Variants in POF1B observed in about 807,000 individuals in gnomAD.
POF1B encodes the protein POF1B actin binding protein.
POF1B carries 53 observed loss-of-function variants against 55.3 expected under a neutral mutation model. The ratio of observed to expected loss-of-function variants is 0.96; its 90% CI spans 0.77 to 1.20. The LOEUF is 1.20. POF1B is among the 50% of genes most tolerant of loss of function. The probability of loss-of-function intolerance (pLI) is 0.00; values close to 1 mark genes in which losing one functional copy is unlikely to be tolerated. For missense variants in POF1B, 478 were observed against 420.5 expected, an observed-to-expected ratio of 1.14 and a Z score of -1.20; for synonymous variants, 188 against 148.3, an observed-to-expected ratio of 1.27 and a Z score of -1.95.
At chrX:85,330,737 C>T (rs1005408837) in intron 7 of POF1B, among the ~76,000 whole-genome samples, 8 of 111,201 alleles carry the variant, frequency 7.2e-5, no homozygotes, top group Non-Finnish European at 3.8e-5. Context: ...TTAATGGGTG[C>T]AGCACACCAA....
chrX:85,354,631 A>G (rs1039899574), intron 4 of POF1B, among the ~76,000 whole-genome samples: 4 of 110,992 alleles, frequency 3.6e-5, no homozygotes, highest in Non-Finnish European at 7.6e-5. Context: ...AAATCAATGT[A>G]CAAAAATCAC....
intron 2 of POF1B, among the ~76,000 whole-genome samples, chrX:85,369,422 T>C (rs1257332158): frequency 9.0e-6 from 1 of 111,210 alleles, no homozygotes; most frequent in Non-Finnish European, 1.9e-5. Context: ...TAGATAAGGT[T>C]AAAGACCTTC....
chrX:85,335,677 T>A (rs1933058135), intron 6 of POF1B, among the ~76,000 whole-genome samples: 1 of 110,822 alleles, frequency 9.0e-6, no homozygotes, highest in Non-Finnish European at 1.9e-5. Context: ...CATATTAGAT[T>A]ATCTTTTATA....
At chrX:85,326,854 C>A (rs1237710976) in intron 7 of POF1B, among the ~76,000 whole-genome samples, 2 of 109,839 alleles carry the variant, frequency 1.8e-5, no homozygotes, top group Admixed American at 1.9e-4. Context: ...ATAATGAGGG[C>A]TCCCAGGAGG....
intron 6 of POF1B, among the ~76,000 whole-genome samples, chrX:85,345,596 A>G (rs1933253576): frequency 9.0e-6 from 1 of 111,237 alleles, no homozygotes; most frequent in Non-Finnish European, 1.9e-5. Context: ...CCCATTTTAG[A>G]ACTGAAGATC....
chrX:85,306,127 A>G, intron 12 of POF1B, 54 bp downstream of exon 12: 1 of 1,079,000 alleles, frequency 9.3e-7, no homozygotes, highest in Non-Finnish European at 1.3e-6. Context: ...AAATGCTAGG[A>G]TTACAATGAT....
At chrX:85,348,754 A>G (rs1280050812) in intron 5 of POF1B, among the ~76,000 whole-genome samples, 1 of 111,747 alleles carries the variant, frequency 8.9e-6, no homozygotes, top group Non-Finnish European at 1.9e-5. Context: ...AGTAAATAGC[A>G]GCAGTATTCT....
At position 85,367,960 on chromosome X, in the gene POF1B, G is replaced by A. The variant is rs185615340; in HGVS notation, c.283-194C>T. On this transcript the variant is annotated intron_variant, in intron 2 of 16. Coordinates refer to ENST00000262753, the MANE Select transcript of POF1B (RefSeq NM_024921.4). ...TCTCACATAACCCAATGATAAAAGAGTTTCTAGAGTGCTTTCATAGCAATA... is the reference window on the plus strand; with the variant it reads ...TCTCACATAACCCAATGATAAAAGAATTTCTAGAGTGCTTTCATAGCAATA... 3.6e-5 allele frequency among the ~76,000 whole-genome samples: 4 copies of A among 111,702 alleles called. No homozygotes were observed. The Admixed American group carries it at 3.8e-4, about 11-fold the overall frequency.
chrX:85,352,484 C>T (rs1933409390), intron 4 of POF1B, among the ~76,000 whole-genome samples: 1 of 111,315 alleles, frequency 9.0e-6, no homozygotes, highest in Admixed American at 9.6e-5. Flanking sequence ...AGGCAAGATG[C>T]TCTTGAATCA....
chrX:85,299,729 C>A (rs959522345), intron 15 of POF1B, among the ~76,000 whole-genome samples: 8 of 109,321 alleles, frequency 7.3e-5, no homozygotes, highest in Non-Finnish European at 1.1e-4. Flanking sequence ...AGGATGGTCT[C>A]AATCTCCTGA....
chrX:85,368,248 T>G (rs999904817), intron 2 of POF1B, among the ~76,000 whole-genome samples: 1 of 111,253 alleles, frequency 9.0e-6, no homozygotes, highest in African/African-American at 3.3e-5. Flanking sequence ...ACAGTGTACA[T>G]TGTACTCATT....
At position 85,306,317 on chromosome X, in the gene POF1B, G is replaced by C; in HGVS notation, c.1181C>G (p.Ser394Ter). Residue 394 changes from serine to a stop codon, truncating the protein, a stop_gained, in exon 12 of 17, where the codon TCA (serine) becomes TGA (stop). Transcript: ENST00000262753. LOFTEE classifies it high-confidence loss of function. ...TTCCAATGCCTGGCATTTTGAACTT[G>C]AGTCTTGAAGTCCTTGCTGTAAAGA... Reference protein sequence around the residue: ...NHQQQQGLQDSSSKCQALEEN... With the variant: ...NHQQQQGLQD 8.3e-7 allele frequency: 1 copy of C among 1,207,355 alleles called. No homozygotes were observed. Among genetic ancestry groups the C allele is most frequent in the Non-Finnish European group, 1.1e-6 (1 of 893,471 alleles).
Position 85,366,184 on chromosome X carries a change from G to T in POF1B, c.357+1508C>A, listed in dbSNP as rs368287692. 3.0e-4 allele frequency among the ~76,000 whole-genome samples: 34 copies of T among 111,687 alleles called. No homozygotes were observed. The South Asian group carries it at 5.6e-3, about 19-fold the overall frequency. ...AATTTGAAAAATAATGCTGATGAAG[G>T]TTCAGCAGGGCAGGTATTCTCTTAT... On this transcript the variant is annotated intron_variant, in intron 3 of 16. Coordinates refer to ENST00000262753, the MANE Select transcript of POF1B (RefSeq NM_024921.4).
At chrX:85,353,757 C>A (rs1393924921) in intron 4 of POF1B, among the ~76,000 whole-genome samples, 1 of 111,316 alleles carries the variant, frequency 9.0e-6, no homozygotes, top group Non-Finnish European at 1.9e-5. Flanking sequence ...ATCAAGACCA[C>A]CTGCTCACTA....
At chrX:85,366,054 A>T (rs1254001985) in intron 3 of POF1B, among the ~76,000 whole-genome samples, 2 of 112,130 alleles carry the variant, frequency 1.8e-5, no homozygotes, top group Non-Finnish European at 3.8e-5. Flanking sequence ...AAATGACATG[A>T]ACAATTTATA....
chrX:85,293,682 GA>G (rs1932243264), intron 15 of POF1B, among the ~76,000 whole-genome samples: 1 of 111,687 alleles, frequency 9.0e-6, no homozygotes, highest in Admixed American at 9.5e-5. Context: ...AGTTAAAGAA[GA>G]AAAAAACAGG....
chrX:85,366,700 G>C (rs1316396571), intron 3 of POF1B, among the ~76,000 whole-genome samples: 1 of 110,991 alleles, frequency 9.0e-6, no homozygotes, highest in Admixed American at 9.6e-5. Flanking sequence ...CTGTCCAATG[G>C]TTTGTTATGT....
At chrX:85,360,568 C>CACACACACACT (rs771823548) in intron 3 of POF1B, among the ~76,000 whole-genome samples, 15 of 81,553 alleles carry the variant, frequency 1.8e-4, no homozygotes, top group African/African-American at 9.6e-4. Context: ...TACATATATA[C>CACACACACACT]ACATTTTCTT....
chrX:85,311,528 C>A (rs1178977464), intron 9 of POF1B, among the ~76,000 whole-genome samples: 1 of 111,632 alleles, frequency 9.0e-6, no homozygotes, highest in Admixed American at 9.5e-5. Context: ...ATGAACTCAT[C>A]CTTTTTAATG....
Sources: gnomAD v4.1 joint callset for allele counts (sites outside exome capture counted in the v4.1 genomes callset) on GRCh38, gnomAD v4.1.1 for gene constraint, MANE v1.5 for transcripts, NCBI Gene and HGNC (gene_info 2026-07-23, HGNC 2026-07-21) for gene names.